Variants in P2RY14 observed in about 807,000 individuals in gnomAD.
P2RY14 encodes P2Y purinoceptor 14.
A neutral mutation model predicts 0.9 loss-of-function variants in P2RY14; 2 were observed. That is an observed-to-expected ratio of 2.16 (90% confidence interval 0.88 to 6.79). The LOEUF is 6.79. P2RY14 is among the 30% of genes most tolerant of loss of function. The pLI is 0.05. For synonymous variants in P2RY14, 158 were observed against 147.2 expected (o/e 1.07, Z -0.53); for missense variants, 378 against 400.1 (o/e 0.94, Z 0.47).
chr3:151,224,179 C>T (rs1730002271), intron 1 of P2RY14, among the ~76,000 whole-genome samples: 1 of 152,194 alleles, frequency 6.6e-6, no homozygotes, highest in Non-Finnish European at 1.5e-5. Context: ...TCAGTACCCA[C>T]TTATGACGTG....
chr3:151,240,625 C>CT (rs78129789), intron 1 of P2RY14, among the ~76,000 whole-genome samples: 8,660 of 152,252 alleles, frequency 0.057, 268 homozygotes, highest in East Asian at 0.12. Flanking sequence ...TAAGCATCTC[C>CT]TTTATCTACC....
At chr3:151,252,178 C>T (rs1251558876) in intron 1 of P2RY14, among the ~76,000 whole-genome samples, 1 of 152,116 alleles carries the variant, frequency 6.6e-6, no homozygotes, top group Admixed American at 6.6e-5. Flanking sequence ...TTAATATCTC[C>T]ATTCATTCAT....
intron 1 of P2RY14, among the ~76,000 whole-genome samples, chr3:151,240,567 A>G (rs1733871493): frequency 6.6e-6 from 1 of 152,212 alleles, no homozygotes; most frequent in Non-Finnish European, 1.5e-5. Context: ...AACAAAACAA[A>G]AGGTGTAGCT....
chr3:151,225,527 A>G (rs973996653), intron 1 of P2RY14, among the ~76,000 whole-genome samples: 2 of 152,110 alleles, frequency 1.3e-5, no homozygotes, highest in African/African-American at 4.8e-5. Flanking sequence ...TGATCTAATC[A>G]TCTCTCAAAG....
intron 1 of P2RY14, among the ~76,000 whole-genome samples, chr3:151,260,319 G>C (rs1363290716): frequency 6.6e-6 from 1 of 152,014 alleles, no homozygotes; most frequent in Non-Finnish European, 1.5e-5. Flanking sequence ...TCTTAATCTA[G>C]GTCTACTAAT....
intron 1 of P2RY14, among the ~76,000 whole-genome samples, chr3:151,260,021 G>A (rs150619088): frequency 2.6e-5 from 4 of 152,052 alleles, no homozygotes; most frequent in Admixed American, 1.3e-4. Flanking sequence ...TGGGGAGCTC[G>A]GGTTATTTTG....
chr3:151,229,468 G>A (rs967835285), intron 1 of P2RY14, among the ~76,000 whole-genome samples: 3 of 137,528 alleles, frequency 2.2e-5, no homozygotes, highest in Non-Finnish European at 3.1e-5. Flanking sequence ...CACCATGCCC[G>A]GCTAATTTTT....
At chr3:151,239,774 G>T (rs1249440990) in intron 1 of P2RY14, among the ~76,000 whole-genome samples, 1 of 152,114 alleles carries the variant, frequency 6.6e-6, no homozygotes, top group African/African-American at 2.4e-5. Flanking sequence ...TGTTATGGTT[G>T]TTAGTTTGCT....
At chr3:151,268,059 G>C (rs1740174711) in intron 1 of P2RY14, among the ~76,000 whole-genome samples, 1 of 152,158 alleles carries the variant, frequency 6.6e-6, no homozygotes, top group South Asian at 2.1e-4. Flanking sequence ...AGCTGGAAAT[G>C]CTCTGTTTTA....
At chr3:151,224,567 C>G (rs967125708) in intron 1 of P2RY14, among the ~76,000 whole-genome samples, 1 of 152,050 alleles carries the variant, frequency 6.6e-6, no homozygotes, top group African/African-American at 2.4e-5. Context: ...ATAACTGTCT[C>G]ATCTGTGTTC....
Position 151,213,146 on chromosome 3 carries a change from G to T in P2RY14, c.*154C>A. ...ATGTTTTCTTTGATGTTACAAAAAA[G>T]CATGGAAACTTATATTTGAATTTTA... On this transcript the variant is annotated 3_prime_UTR_variant, in exon 3 of 3. Transcript: ENST00000309170. The T allele has an allele frequency of 1.7e-6, 1 of 581,290 alleles. No homozygotes were observed. The highest frequency in any genetic ancestry group is 2.9e-6 in the Non-Finnish European group (1 of 340,926). 36.0% of individuals were successfully genotyped at this position (581,290 alleles called of 1,614,324 possible).
intron 1 of P2RY14, among the ~76,000 whole-genome samples, chr3:151,233,721 G>A (rs569503804): frequency 6.6e-6 from 1 of 152,200 alleles, no homozygotes; most frequent in Non-Finnish European, 1.5e-5. Flanking sequence ...CAACAAGAGT[G>A]AAACTCCGTC....
chr3:151,229,550 C>T (rs1334447409), intron 1 of P2RY14, among the ~76,000 whole-genome samples: 1 of 140,402 alleles, frequency 7.1e-6, no homozygotes, highest in Non-Finnish European at 1.5e-5. Flanking sequence ...ACGATCTTGG[C>T]TCACTGCAAG....
At position 151,213,390 on chromosome 3, in the gene P2RY14, T is replaced by C; in HGVS notation, c.927A>G (p.Lys309=). The C allele has an allele frequency of 6.2e-7, 1 of 1,614,098 alleles. No homozygotes were observed. Among genetic ancestry groups the C allele is most frequent in the Non-Finnish European group, 8.5e-7 (1 of 1,179,936 alleles). ...CQPFREILCK[K]LHIPLKAQND... The stretch of plus-strand genomic sequence containing the variant: ...TCTGAGCTTTTAATGGAATGTGCAA[T>C]TTCTTACATAAGATTTCCCTAAACG... Residue 309 remains lysine, a synonymous_variant, in exon 3 of 3, where the codon AAA becomes AAG. Transcript: ENST00000309170.
chr3:151,255,841 G>A (rs777690881), intron 1 of P2RY14, among the ~76,000 whole-genome samples: 22 of 152,174 alleles, frequency 1.4e-4, no homozygotes, highest in Non-Finnish European at 2.8e-4. Flanking sequence ...TAAACCAGGA[G>A]ACCTCAGGCT....
intron 1 of P2RY14, among the ~76,000 whole-genome samples, chr3:151,229,745 A>G (rs1013891135): frequency 8.6e-5 from 13 of 151,878 alleles, no homozygotes; most frequent in African/African-American, 2.4e-5. Flanking sequence ...GATTACAGGC[A>G]TGAGCCACTG....
At chr3:151,277,921 G>A (rs534880392) in intron 1 of P2RY14, among the ~76,000 whole-genome samples, 33 of 152,264 alleles carry the variant, frequency 2.2e-4, no homozygotes, top group Non-Finnish European at 4.0e-4. Flanking sequence ...TATGCTAATC[G>A]ATTTTGTAGT....
chr3:151,275,533 C>G (rs1158932447), intron 1 of P2RY14, among the ~76,000 whole-genome samples: 1 of 151,996 alleles, frequency 6.6e-6, no homozygotes, highest in African/African-American at 2.4e-5. Context: ...AGCATATGAC[C>G]AGTATTTCAC....
At chr3:151,260,461 C>T (rs1397847696) in intron 1 of P2RY14, among the ~76,000 whole-genome samples, 1 of 152,058 alleles carries the variant, frequency 6.6e-6, no homozygotes, top group Non-Finnish European at 1.5e-5. Flanking sequence ...GCAGTCCTCC[C>T]ATATTAGCCT....
Sources: allele counts gnomAD v4.1 joint callset (sites outside exome capture counted in the v4.1 genomes callset), GRCh38; gene constraint gnomAD v4.1.1; transcripts MANE v1.5; gene names NCBI Gene and HGNC (gene_info 2026-07-23, HGNC 2026-07-21).